The following C10orf67 variants were observed in gnomAD, a reference collection of about 807,000 sequenced individuals.
C10orf67 encodes uncharacterized protein C10orf67, mitochondrial.
In C10orf67, 60 loss-of-function variants were observed where a neutral mutation model predicts 35.6. The observed-to-expected ratio is 1.68, with a 90% CI of 1.37 to 2.09. The LOEUF (loss-of-function observed/expected upper bound fraction) is 2.09. Ranked by LOEUF, C10orf67 falls within the 30% of genes most tolerant of loss-of-function variation. The pLI is 0.00. For synonymous variants in C10orf67, 167 were observed against 115.8 expected, an observed-to-expected ratio of 1.44 and a Z score of -2.84; for missense variants, 474 against 330.2, an observed-to-expected ratio of 1.44 and a Z score of -3.38.
chr10:23,303,400 TG>T lies in C10orf67; in HGVS notation c.605del (p.Thr202LysfsTer5), dbSNP rs1474763172. ...CTTTCAGTTTTCTTAACAAAATATT[TG>T]TTTTGACAGTACTCGCATCTTGCAA... ...VSLQDASTVK[T>X]NILLRKLKEK... is the part of the protein sequence containing the mutation. On this transcript the variant is annotated frameshift_variant, in exon 5 of 16. Transcript: ENST00000636213. LOFTEE classifies it high-confidence loss of function. The T allele has an allele frequency of 1.5e-6, 1 of 650,988 alleles. No homozygotes were observed. The highest frequency in any genetic ancestry group is 1.8e-5 in the African/African-American group (1 of 54,612). The allele number at this position is 650,988 out of a possible 1,614,324, so 40.3% of individuals were successfully genotyped here.
chr10:23,298,343 C>T (rs1843960247), intron 5 of C10orf67, among the ~76,000 whole-genome samples: 1 of 152,198 alleles, frequency 6.6e-6, no homozygotes, highest in Non-Finnish European at 1.5e-5. Context: ...CCACAGGTTG[C>T]AAGCTCATCC....
chr10:23,207,151 C>CTTTT (rs10718721), intron 15 of C10orf67, among the ~76,000 whole-genome samples: 2 of 139,440 alleles, frequency 1.4e-5, no homozygotes, highest in African/African-American at 5.3e-5. Flanking sequence ...TTCCTAAAGG[C>CTTTT]TTTTTTTTTT....
chr10:23,319,833 T>C (rs964615284), intron 4 of C10orf67, among the ~76,000 whole-genome samples: 1 of 152,224 alleles, frequency 6.6e-6, no homozygotes, highest in Non-Finnish European at 1.5e-5. Flanking sequence ...ATGTCTGTGC[T>C]ATAGCTGAAA....
intron 8 of C10orf67, among the ~76,000 whole-genome samples, chr10:23,279,847 A>T: frequency 6.6e-6 from 1 of 151,416 alleles, no homozygotes; most frequent in African/African-American, 2.4e-5. Flanking sequence ...TAAATAAATA[A>T]ATATTTATCT....
chr10:23,321,098 C>T (rs183966569), intron 3 of C10orf67, among the ~76,000 whole-genome samples: 18 of 152,202 alleles, frequency 1.2e-4, no homozygotes, highest in African/African-American at 4.1e-4. Flanking sequence ...CAGTGCCTTC[C>T]TAGAATTGCT....
At chr10:23,315,429 G>GT (rs1844663399) in intron 4 of C10orf67, among the ~76,000 whole-genome samples, 2 of 151,996 alleles carry the variant, frequency 1.3e-5, no homozygotes, top group Non-Finnish European at 1.5e-5. Context: ...TGTGTTTTTT[G>GT]TTTTTTGTTT....
chr10:23,234,493 A>G (rs113677651), intron 13 of C10orf67, among the ~76,000 whole-genome samples: 189 of 152,270 alleles, frequency 1.2e-3, no homozygotes, highest in African/African-American at 4.4e-3. Context: ...ACATGGACAT[A>G]TAGAGGGAAA....
At chr10:23,286,258 T>A (rs2132247860) in intron 7 of C10orf67, among the ~76,000 whole-genome samples, 1 of 148,782 alleles carries the variant, frequency 6.7e-6, no homozygotes, top group East Asian at 2.0e-4. Flanking sequence ...ATTAGCCAAG[T>A]GTGGTGGTAC....
At chr10:23,236,850 T>C (rs1159564625) in intron 13 of C10orf67, among the ~76,000 whole-genome samples, 9 of 152,094 alleles carry the variant, frequency 5.9e-5, no homozygotes, top group African/African-American at 2.2e-4. Flanking sequence ...GTACTCCAGC[T>C]TGGGTGACAG....
At chr10:23,279,971 T>C (rs910665461) in intron 8 of C10orf67, among the ~76,000 whole-genome samples, 1 of 152,070 alleles carries the variant, frequency 6.6e-6, no homozygotes, top group Non-Finnish European at 1.5e-5. Context: ...ACTTCCCACC[T>C]AGCCTCCTGA....
intron 13 of C10orf67, among the ~76,000 whole-genome samples, chr10:23,227,538 T>C (rs1196031869): frequency 1.3e-5 from 2 of 152,210 alleles, no homozygotes; most frequent in Non-Finnish European, 2.9e-5. Flanking sequence ...AAGACAGGAA[T>C]GCCTTCTCTC....
At chr10:23,328,685 T>TAA (rs57874839) in intron 2 of C10orf67, among the ~76,000 whole-genome samples, 96 of 138,132 alleles carry the variant, frequency 6.9e-4, no homozygotes, top group African/African-American at 2.5e-3. Flanking sequence ...CTCAAGAGAT[T>TAA]AAAAAAAAAA....
chr10:23,293,168 A>T (rs968953664), intron 5 of C10orf67, among the ~76,000 whole-genome samples: 2 of 152,232 alleles, frequency 1.3e-5, no homozygotes, highest in Non-Finnish European at 2.9e-5. Flanking sequence ...GAAGTGTAAA[A>T]TTTACAAATG....
chr10:23,329,812 A>AAAAG lies in C10orf67; in HGVS notation c.327+3249_327+3250insCTTT, dbSNP rs1554817509. 1.5e-4 allele frequency among the ~76,000 whole-genome samples: 23 copies of AAAAG among 148,614 alleles called. No individual in the cohort carries two copies. In the East Asian group the frequency reaches 1.9e-3, roughly 13 times the overall value. ...GAACTTGTCTCAAAAAAAAAAAAAA[A>AAAAG]AAAAGAAAAGAAAAGAAAAAAATTA... On this transcript the variant is annotated intron_variant, in intron 2 of 15. Transcript: ENST00000636213.
intron 7 of C10orf67, among the ~76,000 whole-genome samples, chr10:23,287,238 A>G (rs1452056604): frequency 6.6e-6 from 1 of 152,214 alleles, no homozygotes; most frequent in East Asian, 1.9e-4. Context: ...CTACAAGGTT[A>G]CAGTAACCAA....
chr10:23,344,791 G>T lies in C10orf67; in HGVS notation c.-17C>A, dbSNP rs780875929. 2 of 1,548,346 alleles carry T rather than the reference G, an allele frequency of 1.3e-6. No homozygotes were observed. The highest frequency in any genetic ancestry group is 1.7e-6 in the Non-Finnish European group (2 of 1,144,934). The stretch of plus-strand genomic sequence containing the variant: ...CAAGGCCATCATAAGAGGAGAGCAG[G>T]CTGCCTAATAAGCTGTCTCCACCTG... On this transcript the variant is annotated 5_prime_UTR_variant, in exon 1 of 16. Transcript: ENST00000636213.
rs1841643940 is a variant in C10orf67 at position 23,223,478 on chromosome 10, A to C, written c.1570+120T>G. 3.8e-5 allele frequency: 25 copies of C among 664,280 alleles called. No individual in the cohort carries two copies. The South Asian group carries it at 4.4e-4, about 12-fold the overall frequency. The allele number at this position is 664,280 out of a possible 1,614,324, so 41.1% of individuals were successfully genotyped here. ...TGCAATAATTTTATAAAGTGGCTGA[A>C]AAAAGTCATGCATTCACCCAGAATA... On this transcript the variant is annotated intron_variant, in intron 15 of 15. Transcript: ENST00000636213.
chr10:23,227,057 A>G lies in C10orf67; in HGVS notation c.1435-3239T>C, dbSNP rs535886618. Among the ~76,000 whole-genome samples, 789 of 152,320 alleles carry G rather than the reference A, an allele frequency of 5.2e-3. 2 individuals carry two copies. The highest frequency in any genetic ancestry group is 8.3e-3 in the Non-Finnish European group (567 of 68,020). ...TCCTTCTGAAACTATTCCAATCAAT[A>G]GAAAAAGAGGGAATCCTCCCTAACT... On this transcript the variant is annotated intron_variant, in intron 13 of 15. Transcript: ENST00000636213.
intron 7 of C10orf67, 55 bp from the exon 8 acceptor site, chr10:23,282,133 A>C: frequency 2.3e-6 from 1 of 443,144 alleles, no homozygotes; most frequent in Non-Finnish European, 4.1e-6. Context: ...AACACCTAAA[A>C]TCCCTCCTCA....
Sources: allele counts gnomAD v4.1 joint callset (sites outside exome capture counted in the v4.1 genomes callset), GRCh38; gene constraint gnomAD v4.1.1; transcripts MANE v1.5; gene names NCBI Gene and HGNC (gene_info 2026-07-23, HGNC 2026-07-21).